The following TH variants were observed in gnomAD, a reference collection of about 807,000 sequenced individuals.
TH encodes the protein tyrosine hydroxylase, also known as tyrosine 3-monooxygenase.
TH carries 49 observed loss-of-function variants against 57.4 expected under a neutral mutation model. The observed-to-expected ratio is 0.85, with a 90% CI of 0.68 to 1.08. The LOEUF (loss-of-function observed/expected upper bound fraction) is 1.08. TH is among the 50% of genes least tolerant of loss of function. The pLI, the probability that TH is intolerant of heterozygous loss-of-function variation, is 0.00. For missense variants in TH, 720 were observed against 696.7 expected (o/e 1.03, Z -0.38); for synonymous variants, 330 against 304.5 (o/e 1.08, Z -0.87).
intron 9 of TH, 118 bp from the exon 10 acceptor site, chr11:2,166,176 G>T: frequency 8.3e-7 from 1 of 1,198,086 alleles, no homozygotes; most frequent in Non-Finnish European, 1.2e-6. Flanking sequence ...CCTGGCGGCA[G>T]AGACCTTCCC....
chr11:2,166,128 G>C, intron 9 of TH, 70 bp from the exon 10 acceptor site: 12 of 1,499,136 alleles, frequency 8.0e-6, no homozygotes, highest in Non-Finnish European at 1.1e-5. Flanking sequence ...GGGCACCGGG[G>C]GTGTCAGCAG....
chr11:2,166,843 C>G lies in TH; in HGVS notation c.841+44G>C, dbSNP rs367772331. ...CGCTGGGGTGGGGCGCTTGGCTGAC[C>G]ATCCCCGGCCCCCCGGCTCTGCGCC... On this transcript the variant is annotated intron_variant, in intron 7 of 12. Coordinates refer to ENST00000352909, the MANE Select transcript of TH (RefSeq NM_000360.4). The G allele has an allele frequency of 2.1e-5, 33 of 1,582,034 alleles. No individual in the cohort carries two copies. In the African/African-American group the frequency reaches 4.2e-4, roughly 20 times the overall value.
Position 2,167,023 on chromosome 11 carries a change from G to A in TH, c.705C>T (p.Val235=), listed in dbSNP as rs1335773392. The A allele has an allele frequency of 1.3e-6, 2 of 1,583,360 alleles. No individual in the cohort carries two copies. The highest frequency in any genetic ancestry group is 2.7e-5 in the African/African-American group (2 of 74,370). The change falls in exon 7 of 13, where the codon GTC becomes GTT. Residue 235 remains valine (V), a synonymous_variant. Coordinates refer to ENST00000352909, the MANE Select transcript of TH (RefSeq NM_000360.4). ...CGTAGAGGCCCTTCAGCGTGGTGTA[G>A]ACCTCCTTCCTGCGGGCAGCCAGGC... ...TAEEIATWKE[V]YTTLKGLYAT...
Position 2,164,366 on chromosome 11 carries a change from G to T in TH, c.1361C>A (p.Pro454His), listed in dbSNP as rs776457245. 3 of 1,551,696 alleles carry T rather than the reference G, an allele frequency of 1.9e-6. No individual in the cohort carries two copies. The Admixed American group carries it at 5.7e-5, about 30-fold the overall frequency. ...GTACGGGTCGAACTTCACGGAGAAGGGGCGCTGGATGCGTGAGGCATAGCT... is the reference window on the plus strand; with the variant it reads ...GTACGGGTCGAACTTCACGGAGAAGTGGCGCTGGATGCGTGAGGCATAGCT... ...LRSYASRIQR[P>H]FSVKFDPYTL... Residue 454 changes from proline to histidine, a missense_variant, in exon 13 of 13, where the codon CCC (proline) becomes CAC (histidine). Coordinates refer to ENST00000352909, the MANE Select transcript of TH (RefSeq NM_000360.4).
At position 2,168,472 on chromosome 11, in the gene TH, G is replaced by A. The variant is rs780456657; in HGVS notation, c.487+19C>T. 2 of 1,611,950 alleles carry A rather than the reference G, an allele frequency of 1.2e-6. No homozygotes were observed. The highest frequency in any genetic ancestry group is 2.2e-5 in the South Asian group (2 of 90,922). On this transcript the variant is annotated intron_variant, in intron 3 of 12. Transcript: ENST00000352909. ...CTCAAGGTCATTTGGTGGCCCTCAA[G>A]GACAGAAAACCGCCTCACCCTTGGG...
rs369814887 is a variant in TH at position 2,168,581 on chromosome 11, G to T, written c.397C>A (p.Arg133Ser). Residue 133 changes from arginine (R) to serine (S), a missense_variant, in exon 3 of 13, where the codon CGC becomes AGC. Arg to Ser is a moderately radical substitution (Grantham distance 110, BLOSUM62 -1). Transcript: ENST00000352909. ...AGGPHLEYFVRLEVRRGDLAA... is the reference protein window; with the variant it reads ...AGGPHLEYFVSLEVRRGDLAA... ...AGGTCCCCTCGGCGCACCTCGAGGC[G>T]CACGAAGTACTCCAGGTGGGGGCCC... is the stretch of plus-strand genomic sequence containing the variant. The T allele has an allele frequency of 2.5e-6, 4 of 1,611,748 alleles. No homozygotes were observed. Among genetic ancestry groups the T allele is most frequent in the East Asian group, 2.2e-5 (1 of 44,830 alleles).
chr11:2,168,603 G>A lies in TH; in HGVS notation c.375C>T (p.Gly125=). The A allele has an allele frequency of 6.2e-7, 1 of 1,611,952 alleles. No homozygotes were observed. Among genetic ancestry groups the A allele is most frequent in the Non-Finnish European group, 8.5e-7 (1 of 1,179,718 alleles). ...GGCGCACGAAGTACTCCAGGTGGGGGCCCCCAGCTCGCGGCCTCTGGGCGG... is the reference window on the plus strand; with the variant it reads ...GGCGCACGAAGTACTCCAGGTGGGGACCCCCAGCTCGCGGCCTCTGGGCGG... ...TRPAQRPRAG[G]PHLEYFVRLE... Residue 125 remains glycine, a synonymous_variant, in exon 3 of 13, where the codon GGC becomes GGT. Coordinates refer to ENST00000352909, the MANE Select transcript of TH (RefSeq NM_000360.4).
chr11:2,168,840 C>T, intron 2 of TH, 175 bp from the exon 3 acceptor site: 1 of 833,102 alleles, frequency 1.2e-6, no homozygotes, highest in Non-Finnish European at 1.9e-6. Context: ...CTGTCGGCCA[C>T]CAGGCCAGGG....
In TH at chr11:2,170,149, C is replaced by T. The variant is rs982278234; in HGVS notation, c.91-278G>A. On this transcript the variant is annotated intron_variant, in intron 1 of 12. Transcript: ENST00000352909. This position sits in a 1 kb window ranked among gnomAD's most constrained non-coding sequence, Gnocchi z 6.0. ...TGCTCGCCTGCTCCCCACTCTGTGG[C>T]GAGCAGACAGACAGAGACGCTGTGT... Among the ~76,000 whole-genome samples, 10 of 152,142 alleles carry T rather than the reference C, an allele frequency of 6.6e-5. No homozygotes were observed. The highest frequency in any genetic ancestry group is 2.0e-4 in the Admixed American group (3 of 15,286).
rs997337730 is a variant in TH, at chr11:2,165,138, C to T, written c.1334+94G>A. On this transcript the variant is annotated intron_variant, in intron 12 of 12. Transcript: ENST00000352909. ...TCGGTTTTCTCATCTGTGACCTGGGCTCACAGGTCCAGCCCTGCTCAAGGC... is the reference window on the plus strand; with the variant it reads ...TCGGTTTTCTCATCTGTGACCTGGGTTCACAGGTCCAGCCCTGCTCAAGGC... 3.8e-6 allele frequency: 6 copies of T among 1,589,344 alleles called. No homozygotes were observed. The African/African-American group carries it at 5.4e-5, about 14-fold the overall frequency.
chr11:2,169,894 T>A (rs768663079), intron 1 of TH, 23 bp from the exon 2 acceptor site: 109 of 1,601,092 alleles, frequency 6.8e-5, no homozygotes, highest in Admixed American at 1.0e-4. Flanking sequence ...GGGGCACCCA[T>A]GCCTCCTCCA....
rs1846262640 is a variant in TH, at chr11:2,171,685, C to T, written c.90+12G>A. 2 of 1,611,040 alleles carry T rather than the reference C, an allele frequency of 1.2e-6. No homozygotes were observed. Among genetic ancestry groups the T allele is most frequent in the Non-Finnish European group, 8.5e-7 (1 of 1,179,658 alleles). On this transcript the variant is annotated intron_variant, in intron 1 of 12. Coordinates refer to ENST00000352909, the MANE Select transcript of TH (RefSeq NM_000360.4). The surrounding 1 kb of genome is among the most constrained non-coding windows in gnomAD (Gnocchi z 8.6). Reference sequence around the variant, plus strand: ...TCCACTGCGGCCGCCGGGCACCTACCTGCCCTCTTACCATGATGGCCTCTG... The same window carrying T: ...TCCACTGCGGCCGCCGGGCACCTACTTGCCCTCTTACCATGATGGCCTCTG...
chr11:2,165,133 C>G, intron 12 of TH, 99 bp downstream of exon 12: 4 of 1,586,894 alleles, frequency 2.5e-6, no homozygotes, highest in Non-Finnish European at 3.4e-6. Context: ...CATCTGTGAC[C>G]TGGGCTCACA....
intron 2 of TH, 26 bp from the exon 3 acceptor site, chr11:2,168,691 G>A: frequency 1.5e-6 from 2 of 1,314,702 alleles, no homozygotes; most frequent in Non-Finnish European, 2.0e-6. Flanking sequence ...CAGGAAGAGA[G>A]AGAGAAGGAG....
At chr11:2,165,617 T>C in intron 11 of TH, 51 bp downstream of exon 11, 2 of 1,581,082 alleles carry the variant, frequency 1.3e-6, no homozygotes, top group South Asian at 2.2e-5. Context: ...CCCTGCACCG[T>C]CCCCCAGCCC....
At chr11:2,165,857 G>GTATCCTGGTCA in intron 10 of TH, 94 bp from the exon 11 acceptor site, 1 of 1,521,890 alleles carries the variant, frequency 6.6e-7, no homozygotes, top group Admixed American at 1.9e-5. Context: ...CCCCAGGGAG[G>GTATCCTGGTCA]CCAGGCCAGG....
At chr11:2,166,413 C>T (rs1846091172) in intron 9 of TH, 67 bp downstream of exon 9, 7 of 1,517,138 alleles carry the variant, frequency 4.6e-6, no homozygotes, top group Admixed American at 2.0e-5. Flanking sequence ...GCACATCGAT[C>T]CCCGCCCGCC....
intron 2 of TH, among the ~76,000 whole-genome samples, chr11:2,169,355 GC>G (rs1419260449): frequency 2.6e-5 from 4 of 152,132 alleles, no homozygotes; most frequent in Admixed American, 6.5e-5. Context: ...CCTGCTGGGA[GC>G]CCCCCACGTG....
In TH at chr11:2,165,645, C is replaced by T. The variant is rs556735422; in HGVS notation, c.1200+23G>A. 1.9e-6 allele frequency: 3 copies of T among 1,611,126 alleles called. No individual in the cohort carries two copies. In the Admixed American group the frequency reaches 5.0e-5, roughly 27 times the overall value. On this transcript the variant is annotated intron_variant, in intron 11 of 12. Transcript: ENST00000352909. ...CCCAGCCCTGCCCCTCTGCTGGGGG[C>T]TGCAGCAAGGAGAGACTCTCACCAG...
Sources: gnomAD v4.1 joint callset for allele counts (sites outside exome capture counted in the v4.1 genomes callset) on GRCh38, gnomAD v4.1.1 for gene constraint, Gnocchi (gnomAD v3.1) non-coding constraint, MANE v1.5 for transcripts, NCBI Gene and HGNC (gene_info 2026-07-23, HGNC 2026-07-21) for gene names.